SH3PXD2B: variants seen among roughly 807,000 people sequenced by gnomAD.
SH3PXD2B encodes SH3 and PX domain-containing protein 2B.
In SH3PXD2B, 37 loss-of-function variants were observed where a neutral mutation model predicts 73.1. The observed-to-expected ratio is 0.51, with a 90% CI of 0.39 to 0.67. The LOEUF (loss-of-function observed/expected upper bound fraction) is 0.67. SH3PXD2B is among the 30% of genes least tolerant of loss of function. SH3PXD2B has a pLI of 0.00. For synonymous variants in SH3PXD2B, 457 were observed against 480.5 expected, an observed-to-expected ratio of 0.95 and a Z score of 0.64; for missense variants, 1,053 against 1,197.8, an observed-to-expected ratio of 0.88 and a Z score of 1.78.
chr5:172,435,731 G>GT (rs917585927), intron 1 of SH3PXD2B, among the ~76,000 whole-genome samples: 6 of 152,172 alleles, frequency 3.9e-5, no homozygotes, highest in African/African-American at 9.7e-5. Flanking sequence ...GCCAAGTTTT[G>GT]TTTTTTTATA....
Position 172,354,021 on chromosome 5 carries a change from G to A in SH3PXD2B, c.668-16C>T, listed in dbSNP as rs771019213. On this transcript the variant is annotated splice_polypyrimidine_tract_variant and intron_variant, in intron 8 of 12. Transcript: ENST00000311601. ...TACTTCTCCTCTGTGGGGACAAAAG[G>A]AAGCTGGGGTCAGAAGAGGACACCA... The A allele has an allele frequency of 3.0e-5, 49 of 1,610,942 alleles. No homozygotes were observed. The highest frequency in any genetic ancestry group is 1.5e-4 in the African/African-American group (11 of 74,840).
chr5:172,439,037 G>A (rs1422865383), intron 1 of SH3PXD2B, among the ~76,000 whole-genome samples: 1 of 151,422 alleles, frequency 6.6e-6, no homozygotes, highest in Non-Finnish European at 1.5e-5. Context: ...TCGGGAGTTC[G>A]AGACCAGCCT....
chr5:172,394,669 G>C, intron 3 of SH3PXD2B, 30 bp from the exon 4 acceptor site: 1 of 1,611,396 alleles, frequency 6.2e-7, no homozygotes, highest in South Asian at 1.1e-5. Context: ...AGACAGTGTT[G>C]TCAGGGAACA....
intron 1 of SH3PXD2B, among the ~76,000 whole-genome samples, chr5:172,453,963 T>C (rs923690545): frequency 6.6e-6 from 1 of 151,880 alleles, no homozygotes; most frequent in Non-Finnish European, 1.5e-5. Flanking sequence ...GCCAGACTTT[T>C]CCACAGATGA....
At chr5:172,358,656 A>C in intron 8 of SH3PXD2B, 117 bp downstream of exon 8, 1 of 937,558 alleles carries the variant, frequency 1.1e-6, no homozygotes, top group Non-Finnish European at 1.7e-6. Flanking sequence ...TCAGCCAGTG[A>C]GCTGCTGAGA....
intron 5 of SH3PXD2B, among the ~76,000 whole-genome samples, chr5:172,374,207 G>C (rs1757772975): frequency 6.6e-6 from 1 of 152,148 alleles, no homozygotes; most frequent in African/African-American, 2.4e-5. Context: ...ATAGACATGG[G>C]GCAGAAAGTG....
In SH3PXD2B at chr5:172,367,843, T is replaced by C. The variant is rs1049142582; in HGVS notation, c.428-4974A>G. On this transcript the variant is annotated intron_variant, in intron 6 of 12. Coordinates refer to ENST00000311601, the MANE Select transcript of SH3PXD2B (RefSeq NM_001017995.3). Reference sequence around the variant, plus strand: ...GATGGCTGGTGCTGCAGCAGCCATCTTGGGTCATAAGCAACCTTGGGAATG... The same window carrying C: ...GATGGCTGGTGCTGCAGCAGCCATCCTGGGTCATAAGCAACCTTGGGAATG... Among the ~76,000 whole-genome samples, 4 of 152,278 alleles carry C rather than the reference T, an allele frequency of 2.6e-5. No individual in the cohort carries two copies. In the South Asian group the frequency reaches 8.3e-4, roughly 32 times the overall value.
chr5:172,328,687 G>T (rs1286633389), downstream of SH3PXD2B, among the ~76,000 whole-genome samples: 1 of 152,066 alleles, frequency 6.6e-6, no homozygotes, highest in African/African-American at 2.4e-5. Flanking sequence ...TTGAATCCAA[G>T]AATTAAGACA....
In SH3PXD2B at chr5:172,439,293, C is replaced by CAAAAA. The variant is rs1233319484; in HGVS notation, c.75+14984_75+14985insTTTTT. ...AACAAAAACAAAACAAAAAAAAAACCCCAAAAAAAAACCACAGGCATCGGC... is the reference window on the plus strand; with the variant it reads ...AACAAAAACAAAACAAAAAAAAAACCAAAAACCAAAAAAAAACCACAGGCATCGGC... On this transcript the variant is annotated intron_variant, in intron 1 of 12. Coordinates refer to ENST00000311601, the MANE Select transcript of SH3PXD2B (RefSeq NM_001017995.3). 1.6e-4 allele frequency among the ~76,000 whole-genome samples: 10 copies of CAAAAA among 61,588 alleles called. 1 individual carries two copies. The highest frequency in any genetic ancestry group is 7.4e-4 in the African/African-American group (9 of 12,082). The allele number at this position is 61,588 out of a possible 152,430, so 40.4% of individuals were successfully genotyped here. A position where few individuals can be genotyped will look rare whatever the true frequency, so the allele number is the denominator to read the frequency against.
chr5:172,332,145 G>A (rs1476800247), downstream of SH3PXD2B, among the ~76,000 whole-genome samples: 4 of 151,952 alleles, frequency 2.6e-5, no homozygotes, highest in East Asian at 1.9e-4. Context: ...AGCCCCAGCC[G>A]GAAAGCCCAT....
chr5:172,347,216 G>A, intron 11 of SH3PXD2B, 67 bp downstream of exon 11: 1 of 1,487,850 alleles, frequency 6.7e-7, no homozygotes, highest in Non-Finnish European at 9.4e-7. Flanking sequence ...GGTGTGTGAG[G>A]GGCTAGTGGA....
intron 1 of SH3PXD2B, among the ~76,000 whole-genome samples, chr5:172,435,803 T>C (rs555900089): frequency 1.9e-4 from 29 of 150,614 alleles, no homozygotes; most frequent in African/African-American, 7.0e-4. Context: ...GCCTGGTGGA[T>C]AGCCAGGAAC....
At chr5:172,377,134 G>T (rs1018249933) in intron 5 of SH3PXD2B, among the ~76,000 whole-genome samples, 4 of 152,168 alleles carry the variant, frequency 2.6e-5, no homozygotes, top group African/African-American at 9.7e-5. Context: ...GAGTGGGGGC[G>T]GCAGGGGACT....
chr5:172,395,712 T>C (rs1758277754), intron 3 of SH3PXD2B, among the ~76,000 whole-genome samples: 1 of 152,132 alleles, frequency 6.6e-6, no homozygotes, highest in Non-Finnish European at 1.5e-5. Flanking sequence ...ATTCTGAATC[T>C]ACCACACAGT....
intron 1 of SH3PXD2B, among the ~76,000 whole-genome samples, chr5:172,444,705 G>C (rs1759623784): frequency 6.6e-6 from 1 of 152,026 alleles, no homozygotes; most frequent in African/African-American, 2.4e-5. Context: ...ATTTGGACAG[G>C]GGCTCCTGGG....
At chr5:172,394,688 CT>C in intron 3 of SH3PXD2B, 49 bp from the exon 4 acceptor site, 1 of 1,598,558 alleles carries the variant, frequency 6.3e-7, no homozygotes, top group Non-Finnish European at 8.6e-7. Context: ...CAGGGACAAG[CT>C]CTCAGCAACC....
chr5:172,389,337 A>G (rs1758127191), intron 4 of SH3PXD2B, among the ~76,000 whole-genome samples: 1 of 151,998 alleles, frequency 6.6e-6, no homozygotes, highest in African/African-American at 2.4e-5. Flanking sequence ...TACAGGCATG[A>G]GCCACCATGC....
intron 6 of SH3PXD2B, among the ~76,000 whole-genome samples, chr5:172,372,028 C>A (rs556134146): frequency 6.6e-6 from 1 of 152,182 alleles, no homozygotes; most frequent in Non-Finnish European, 1.5e-5. Flanking sequence ...TAATTCTCGA[C>A]GCCATTCCCT....
chr5:172,412,474 C>G (rs531570962), intron 2 of SH3PXD2B, among the ~76,000 whole-genome samples: 2 of 152,364 alleles, frequency 1.3e-5, no homozygotes, highest in African/African-American at 4.8e-5. Flanking sequence ...ACAATATCCT[C>G]CTATTTAAAC....
Sources: allele counts gnomAD v4.1 joint callset (sites outside exome capture counted in the v4.1 genomes callset), GRCh38; gene constraint gnomAD v4.1.1; transcripts MANE v1.5; gene names NCBI Gene and HGNC (gene_info 2026-07-23, HGNC 2026-07-21).